Variants in SDK2 observed in about 807,000 individuals in gnomAD.
The protein encoded by SDK2 is protein sidekick-2.
SDK2 carries 105 observed loss-of-function variants against 253.9 expected under a neutral mutation model. The ratio of observed to expected loss-of-function variants is 0.41; its 90% CI spans 0.35 to 0.49. The LOEUF (loss-of-function observed/expected upper bound fraction) is 0.49. Among genes scored for constraint, SDK2 ranks in the 20% least tolerant of loss-of-function variants. The pLI is 0.06. For missense variants in SDK2, 2,608 were observed against 3,003.0 expected, an observed-to-expected ratio of 0.87 and a Z score of 3.07; for synonymous variants, 1,249 against 1,234.9, an observed-to-expected ratio of 1.01 and a Z score of -0.24.
At chr17:73,485,361 G>A (rs146907931) in intron 2 of SDK2, among the ~76,000 whole-genome samples, 16 of 152,286 alleles carry the variant, frequency 1.1e-4, no homozygotes, top group South Asian at 6.2e-4. Flanking sequence ...AGTGCCAGGC[G>A]TGATAAGTAG....
intron 1 of SDK2, among the ~76,000 whole-genome samples, chr17:73,542,204 G>T (rs61737202): frequency 0.046 from 7,021 of 152,288 alleles, 238 homozygotes; most frequent in Non-Finnish European, 0.07. Flanking sequence ...GACCCTCCAC[G>T]CTTCCCATCC....
intron 4 of SDK2, among the ~76,000 whole-genome samples, chr17:73,453,895 A>G (rs1436777540): frequency 6.6e-6 from 1 of 152,220 alleles, no homozygotes; most frequent in East Asian, 1.9e-4. Context: ...TCAGTCAAAA[A>G]CAGACCACAT....
intron 18 of SDK2, among the ~76,000 whole-genome samples, chr17:73,404,691 C>G (rs751226562): frequency 9.2e-5 from 14 of 152,142 alleles, no homozygotes; most frequent in Non-Finnish European, 2.1e-4. Context: ...CATCTCTGTG[C>G]CTTCTCCTTG....
chr17:73,398,250 G>T, intron 23 of SDK2, 65 bp from the exon 24 acceptor site: 1 of 1,602,020 alleles, frequency 6.2e-7, no homozygotes. Flanking sequence ...CCCTGTCCTG[G>T]TCTGGGCCAT....
chr17:73,344,741 C>T (rs982726357), intron 44 of SDK2, among the ~76,000 whole-genome samples: 9 of 152,174 alleles, frequency 5.9e-5, no homozygotes, highest in Non-Finnish European at 1.0e-4. Context: ...AGGCTATCAA[C>T]GAGGTCTCAG....
At chr17:73,416,816 C>G (rs2063186287) in intron 16 of SDK2, among the ~76,000 whole-genome samples, 1 of 151,138 alleles carries the variant, frequency 6.6e-6, no homozygotes, top group Non-Finnish European at 1.5e-5. Flanking sequence ...GTCTCGAACT[C>G]CTGACCTCGT....
At chr17:73,414,845 G>A in intron 17 of SDK2, 86 bp from the exon 18 acceptor site, 1 of 820,148 alleles carries the variant, frequency 1.2e-6, no homozygotes, top group Non-Finnish European at 2.1e-6. Flanking sequence ...GCAGGGGTGG[G>A]GGCTATAGCC....
chr17:73,565,523 A>G (rs1353115164), intron 1 of SDK2, among the ~76,000 whole-genome samples: 2 of 152,252 alleles, frequency 1.3e-5, no homozygotes, highest in African/African-American at 4.8e-5. Flanking sequence ...TAAAACAGCT[A>G]TTATAACTAT....
intron 14 of SDK2, among the ~76,000 whole-genome samples, chr17:73,422,998 G>A (rs1166906748): frequency 6.6e-6 from 1 of 151,428 alleles, no homozygotes; most frequent in Non-Finnish European, 1.5e-5. Flanking sequence ...TCCAGCCTGG[G>A]TGACAAGTGT....
chr17:73,454,791 A>ACTCCCAGGTTCAAGCGATTCTCCTGC (rs2063512259), intron 4 of SDK2, among the ~76,000 whole-genome samples: 1 of 151,962 alleles, frequency 6.6e-6, no homozygotes, highest in Non-Finnish European at 1.5e-5. Flanking sequence ...GCAACCTCTG[A>ACTCCCAGGTTCAAGCGATTCTCCTGC]CTCCCAGGTT....
chr17:73,354,606 G>A (rs974160776), intron 40 of SDK2, among the ~76,000 whole-genome samples: 1 of 152,168 alleles, frequency 6.6e-6, no homozygotes, highest in Non-Finnish European at 1.5e-5. Context: ...CCTCTTCACA[G>A]TAGAAGGACG....
rs143202426 is a variant in SDK2 at position 73,361,038 on chromosome 17, G to A, written c.5467+646C>T. On this transcript the variant is annotated intron_variant, in intron 39 of 44. Transcript: ENST00000392650. The surrounding 1 kb of genome is among the most constrained non-coding windows in gnomAD (Gnocchi z 4.1). Reference sequence around the variant, plus strand: ...GGCGGGCAGTTACACACAAAAGGGCGTTCTGCGGAGGGGGTGGGTGGTGAG... The same window carrying A: ...GGCGGGCAGTTACACACAAAAGGGCATTCTGCGGAGGGGGTGGGTGGTGAG... 9.1e-5 allele frequency among the ~76,000 whole-genome samples: 9 copies of A among 99,300 alleles called. No homozygotes were observed. Among genetic ancestry groups the A allele is most frequent in the African/African-American group, 1.2e-4 (3 of 25,558 alleles). 65.1% of individuals were successfully genotyped at this position (99,300 alleles called of 152,430 possible).
At chr17:73,619,473 G>T (rs571199627) in intron 1 of SDK2, among the ~76,000 whole-genome samples, 4 of 152,286 alleles carry the variant, frequency 2.6e-5, no homozygotes, top group African/African-American at 9.6e-5. Flanking sequence ...AAAGTTGTCA[G>T]GAAACTCAAT....
intron 2 of SDK2, among the ~76,000 whole-genome samples, chr17:73,479,355 G>C (rs568852984): frequency 1.3e-5 from 2 of 152,238 alleles, no homozygotes; most frequent in African/African-American, 4.8e-5. Context: ...GTGTGTGTGT[G>C]TGTGTCCTCA....
intron 2 of SDK2, among the ~76,000 whole-genome samples, chr17:73,490,501 T>G (rs1324116351): frequency 6.6e-6 from 1 of 151,492 alleles, no homozygotes; most frequent in Non-Finnish European, 1.5e-5. Context: ...GTAACAATAC[T>G]TACTAATATG....
rs1422006523 is a variant in SDK2 at position 73,361,750 on chromosome 17, T to C, written c.5401A>G (p.Ile1801Val). ...CCGTAGGTGAAGGTCTTGGCTCTGATGCGGAACCTGTAGGTCACCCCCTCC... is the reference window on the plus strand; with the variant it reads ...CCGTAGGTGAAGGTCTTGGCTCTGACGCGGAACCTGTAGGTCACCCCCTCC... ...LAEGVTYRFR[I>V]RAKTFTYGPE... Residue 1801 changes from isoleucine (I) to valine (V), a missense_variant, in exon 39 of 45, where the codon ATC becomes GTC. By Grantham distance (29) the Ile-to-Val change is conservative. This residue lies in a region of SDK2 where 1,103 missense variants were observed against 1,143.9 expected (regional missense o/e 0.96). Coordinates refer to ENST00000392650, the MANE Select transcript of SDK2 (RefSeq NM_001144952.2). The surrounding 1 kb of genome is among the most constrained non-coding windows in gnomAD (Gnocchi z 4.1). 3.1e-6 allele frequency: 5 copies of C among 1,613,598 alleles called. No homozygotes were observed. Among genetic ancestry groups the C allele is most frequent in the Non-Finnish European group, 4.2e-6 (5 of 1,179,698 alleles).
intron 1 of SDK2, among the ~76,000 whole-genome samples, chr17:73,630,078 C>T (rs1254643032): frequency 6.6e-6 from 1 of 152,140 alleles, no homozygotes; most frequent in Non-Finnish European, 1.5e-5. Context: ...TTGCAGCAGC[C>T]GACTCGGAGT....
intron 4 of SDK2, among the ~76,000 whole-genome samples, chr17:73,449,459 G>A (rs1008931348): frequency 5.3e-5 from 8 of 151,920 alleles, no homozygotes; most frequent in African/African-American, 1.5e-4. Flanking sequence ...CTCCCAGCCC[G>A]GCTGTGCTGG....
chr17:73,571,538 C>T (rs182911631), intron 1 of SDK2, among the ~76,000 whole-genome samples: 1 of 152,214 alleles, frequency 6.6e-6, no homozygotes, highest in Admixed American at 6.5e-5. Context: ...CCCGGTGGCC[C>T]CCCGGGCGCT....
Sources: gnomAD v4.1 joint callset for allele counts (sites outside exome capture counted in the v4.1 genomes callset) on GRCh38, gnomAD v4.1.1 for gene constraint, gnomAD v4.1.1 regional missense constraint, Gnocchi (gnomAD v3.1) non-coding constraint, MANE v1.5 for transcripts, NCBI Gene and HGNC (gene_info 2026-07-23, HGNC 2026-07-21) for gene names.